PCDHA4: variants seen among roughly 807,000 people sequenced by gnomAD.
PCDHA4 encodes protocadherin alpha 4, also known as protocadherin alpha-4.
PCDHA4 carries 49 observed loss-of-function variants against 61.4 expected under a neutral mutation model. The ratio of observed to expected loss-of-function variants is 0.80; its 90% CI spans 0.63 to 1.01. The LOEUF is 1.01. PCDHA4 is among the 50% of genes least tolerant of loss of function. The pLI is 0.00. For missense variants in PCDHA4, 1,254 were observed against 1,235.8 expected, an observed-to-expected ratio of 1.01 and a Z score of -0.22; for synonymous variants, 590 against 550.3, an observed-to-expected ratio of 1.07 and a Z score of -1.01.
intron 1 of PCDHA4, chr5:140,876,422 A>G: frequency 1.2e-6 from 2 of 1,613,978 alleles, no homozygotes; most frequent in Non-Finnish European, 1.7e-6. Context: ...AATGCCTATG[A>G]AATTCAGGTT....
chr5:140,871,143 G>C (rs2052747767), intron 1 of PCDHA4: 1 of 1,613,356 alleles, frequency 6.2e-7, no homozygotes, highest in South Asian at 1.1e-5. Context: ...CCTCTTCCCG[G>C]ACTTTGGCGG....
At chr5:140,906,487 CA>C (rs1346198597) in intron 1 of PCDHA4, among the ~76,000 whole-genome samples, 1 of 152,180 alleles carries the variant, frequency 6.6e-6, no homozygotes, top group Non-Finnish European at 1.5e-5. Context: ...TATAAATGCA[CA>C]AACATGTTTT....
chr5:140,868,850 G>C, intron 1 of PCDHA4: 3 of 459,172 alleles, frequency 6.5e-6, no homozygotes, highest in South Asian at 5.9e-5. Flanking sequence ...GTGAAATTCT[G>C]TGGTGGTAAA....
chr5:140,843,387 C>A (rs2150358876), intron 1 of PCDHA4: 2 of 1,595,950 alleles, frequency 1.3e-6, no homozygotes, highest in East Asian at 4.5e-5. Context: ...GTTTTGGGTC[C>A]GGAAGCGGCG....
At chr5:140,899,222 A>T (rs1377710696) in intron 1 of PCDHA4, among the ~76,000 whole-genome samples, 2 of 152,012 alleles carry the variant, frequency 1.3e-5, no homozygotes, top group Non-Finnish European at 2.9e-5. Context: ...AACTTCCAAC[A>T]CTATGTTGAA....
At chr5:140,829,853 G>GGCCAA (rs1554132325) in intron 1 of PCDHA4, 1 of 1,613,852 alleles carries the variant, frequency 6.2e-7, no homozygotes, top group East Asian at 2.2e-5. Context: ...ACTGGGTGCA[G>GGCCAA]GCCAAGTGGT....
intron 1 of PCDHA4, chr5:140,829,474 A>C: frequency 6.2e-7 from 1 of 1,613,826 alleles, no homozygotes; most frequent in Non-Finnish European, 8.5e-7. Context: ...CCGAGTACAC[A>C]GTGTTCGTGA....
chr5:140,865,961 T>C (rs1314413159), intron 1 of PCDHA4: 9 of 152,210 alleles, frequency 5.9e-5, no homozygotes, highest in Admixed American at 5.9e-4. Context: ...ATTAATTTTG[T>C]ACAATGTGTG....
At chr5:140,915,686 A>G (rs1440972076) in intron 1 of PCDHA4, among the ~76,000 whole-genome samples, 2 of 150,988 alleles carry the variant, frequency 1.3e-5, no homozygotes, top group African/African-American at 2.4e-5. Flanking sequence ...AACTAGGGGT[A>G]TGGTGATGCA....
chr5:140,953,601 C>T (rs1448878513), intron 1 of PCDHA4, among the ~76,000 whole-genome samples: 3 of 152,014 alleles, frequency 2.0e-5, no homozygotes, highest in Non-Finnish European at 4.4e-5. Flanking sequence ...TTGTTTATTC[C>T]CCAGAGTCCT....
In PCDHA4 at chr5:140,857,981, C is replaced by T. The variant is rs377577023; in HGVS notation, c.2385+48409C>T. The T allele has an allele frequency of 2.5e-6, 4 of 1,596,862 alleles. 1 individual carries two copies. The highest frequency in any genetic ancestry group is 3.4e-6 in the Non-Finnish European group (4 of 1,167,208). The stretch of plus-strand genomic sequence containing the variant: ...GGATGAGACTGACTCGCCACGCCAG[C>T]GCCTACTGGTGCTGGTGAAGGACCA... On this transcript the variant is annotated intron_variant, in intron 1 of 3. Transcript: ENST00000530339.
chr5:140,920,559 C>T (rs2153557837), intron 1 of PCDHA4, among the ~76,000 whole-genome samples: 2 of 152,226 alleles, frequency 1.3e-5, no homozygotes, highest in South Asian at 4.1e-4. Context: ...GAAGTGTGGC[C>T]CTTAGGCCAG....
intron 1 of PCDHA4, chr5:140,828,964 CCACTTTAGCA>C (rs1251585912): frequency 6.2e-7 from 1 of 1,614,030 alleles, no homozygotes; most frequent in African/African-American, 1.3e-5. Context: ...TGGTTATTGA[CCACTTTAGCA>C]TAGATCGAAA....
intron 1 of PCDHA4, chr5:140,853,507 A>G (rs762597106): frequency 6.1e-6 from 6 of 977,198 alleles, no homozygotes; most frequent in South Asian, 4.8e-5. Context: ...TCATGAAACA[A>G]TAATGAAGCT....
chr5:140,923,814 A>G (rs1554201602), intron 1 of PCDHA4, among the ~76,000 whole-genome samples: 1 of 152,250 alleles, frequency 6.6e-6, no homozygotes, highest in Non-Finnish European at 1.5e-5. Flanking sequence ...ATCTTCTGAA[A>G]ATAGACGTCA....
intron 1 of PCDHA4, among the ~76,000 whole-genome samples, chr5:140,833,353 G>A (rs2150207714): frequency 9.9e-5 from 15 of 152,096 alleles, no homozygotes; most frequent in East Asian, 1.9e-4. Flanking sequence ...TCCAGAAAAC[G>A]AACACAGTAA....
At chr5:140,842,920 C>A (rs2150347865) in intron 1 of PCDHA4, 1 of 1,594,422 alleles carries the variant, frequency 6.3e-7, no homozygotes, top group Admixed American at 1.7e-5. Flanking sequence ...TGCTGCAGTT[C>A]CAGGTGAGCG....
intron 1 of PCDHA4, among the ~76,000 whole-genome samples, chr5:140,900,452 T>A (rs2068062293): frequency 6.6e-6 from 1 of 152,222 alleles, no homozygotes; most frequent in South Asian, 2.1e-4. Flanking sequence ...TAATTTTTTA[T>A]TTTTAGTAGA....
chr5:140,922,434 C>T (rs1167616099), intron 1 of PCDHA4, among the ~76,000 whole-genome samples: 1 of 152,180 alleles, frequency 6.6e-6, no homozygotes, highest in Admixed American at 6.5e-5. Flanking sequence ...GAGGGCAGAA[C>T]TCTCTCATTA....
Sources: gnomAD v4.1 joint callset for allele counts (sites outside exome capture counted in the v4.1 genomes callset) on GRCh38, gnomAD v4.1.1 for gene constraint, MANE v1.5 for transcripts, NCBI Gene and HGNC (gene_info 2026-07-23, HGNC 2026-07-21) for gene names.